CCDC91: variants seen among roughly 807,000 people sequenced by gnomAD.
CCDC91 encodes the protein coiled-coil domain-containing protein 91.
CCDC91 carries 48 observed loss-of-function variants against 63.2 expected under a neutral mutation model. The observed-to-expected ratio is 0.76, with a 90% CI of 0.60 to 0.97. The LOEUF (loss-of-function observed/expected upper bound fraction) is 0.97, where lower values mean the gene tolerates loss of function less well. Among genes scored for constraint, CCDC91 ranks in the 50% least tolerant of loss-of-function variants. The pLI is 0.00. For synonymous variants in CCDC91, 167 were observed against 165.8 expected, an observed-to-expected ratio of 1.01 and a Z score of -0.06; for missense variants, 500 against 494.6, an observed-to-expected ratio of 1.01 and a Z score of -0.10.
intron 7 of CCDC91, among the ~76,000 whole-genome samples, chr12:28,380,808 A>G (rs1464557622): frequency 6.6e-6 from 1 of 152,170 alleles, no homozygotes; most frequent in Non-Finnish European, 1.5e-5. Context: ...CATTATTCTA[A>G]TGAACTGAAT....
chr12:28,387,081 T>C (rs1945650514), intron 7 of CCDC91, among the ~76,000 whole-genome samples: 1 of 152,220 alleles, frequency 6.6e-6, no homozygotes, highest in African/African-American at 2.4e-5. Flanking sequence ...CTGTGTATTA[T>C]GATATATTAA....
intron 12 of CCDC91, among the ~76,000 whole-genome samples, chr12:28,538,852 G>A (rs1371660861): frequency 2.0e-5 from 3 of 152,152 alleles, no homozygotes; most frequent in Admixed American, 6.5e-5. Context: ...TTTCTCTGAT[G>A]GCCAGTGATG....
chr12:28,244,274 AAT>A (rs1405531894), intron 1 of CCDC91, among the ~76,000 whole-genome samples: 1 of 152,140 alleles, frequency 6.6e-6, no homozygotes, highest in Non-Finnish European at 1.5e-5. Flanking sequence ...ACTGTCAAGA[AAT>A]ATTTAAAAAA....
At chr12:28,545,150 T>G (rs1942899621) in intron 12 of CCDC91, among the ~76,000 whole-genome samples, 1 of 151,996 alleles carries the variant, frequency 6.6e-6, no homozygotes, top group Admixed American at 6.6e-5. Context: ...ATCAAAAAAA[T>G]ATTTGCCACC....
At chr12:28,516,703 C>CT (rs1159670633) in intron 12 of CCDC91, among the ~76,000 whole-genome samples, 1 of 151,926 alleles carries the variant, frequency 6.6e-6, no homozygotes. Context: ...TGAAGGCCTT[C>CT]TTGCTGCATC....
intron 1 of CCDC91, among the ~76,000 whole-genome samples, chr12:28,197,289 T>A (rs749954735): frequency 6.6e-6 from 1 of 152,088 alleles, no homozygotes; most frequent in Non-Finnish European, 1.5e-5. Context: ...GTTCAAACCG[T>A]TTTTTAAGCG....
chr12:28,286,365 C>T (rs1948918092), intron 3 of CCDC91, among the ~76,000 whole-genome samples: 2 of 152,116 alleles, frequency 1.3e-5, no homozygotes, highest in South Asian at 2.1e-4. Context: ...CTCCCTCCTC[C>T]CACCCTCCAC....
chr12:28,263,795 A>G (rs1946985424), intron 3 of CCDC91, among the ~76,000 whole-genome samples: 1 of 151,996 alleles, frequency 6.6e-6, no homozygotes, highest in Admixed American at 6.6e-5. Flanking sequence ...GTGCCTTTTT[A>G]ATAAACAATG....
rs180762270 is a variant in CCDC91, at chr12:28,408,771, T to A, written c.762+17360T>A. Among the ~76,000 whole-genome samples, 140 of 152,246 alleles carry A rather than the reference T, an allele frequency of 9.2e-4. 1 individual carries two copies. Among genetic ancestry groups the A allele is most frequent in the Admixed American group, 1.8e-3 (27 of 15,286 alleles). Reference sequence around the variant, plus strand: ...AATTCTCTTGCCTCAGCTTCCCAAGTATCTGGGATTACAGGTGTGCACCAC... The same window carrying A: ...AATTCTCTTGCCTCAGCTTCCCAAGAATCTGGGATTACAGGTGTGCACCAC... On this transcript the variant is annotated intron_variant, in intron 8 of 12. Transcript: ENST00000536442.
At chr12:28,416,868 A>G (rs946293624) in intron 8 of CCDC91, among the ~76,000 whole-genome samples, 1 of 152,212 alleles carries the variant, frequency 6.6e-6, no homozygotes, top group Non-Finnish European at 1.5e-5. Flanking sequence ...TATCATATGT[A>G]GTATTATGTA....
intron 7 of CCDC91, among the ~76,000 whole-genome samples, chr12:28,375,086 C>G (rs1300136581): frequency 6.6e-6 from 1 of 151,796 alleles, no homozygotes; most frequent in African/African-American, 2.4e-5. Flanking sequence ...AGACCTGGAT[C>G]AGAGCCCCAC....
chr12:28,548,012 G>A (rs1348345343), intron 12 of CCDC91, among the ~76,000 whole-genome samples: 1 of 151,990 alleles, frequency 6.6e-6, no homozygotes, highest in Non-Finnish European at 1.5e-5. Flanking sequence ...GAATGTGTTT[G>A]CCTAGTTTTG....
At chr12:28,315,873 T>C (rs776458769) in intron 6 of CCDC91, among the ~76,000 whole-genome samples, 9 of 151,856 alleles carry the variant, frequency 5.9e-5, no homozygotes, top group Non-Finnish European at 1.0e-4. Context: ...AATATACATA[T>C]ATCTCCTTCC....
intron 6 of CCDC91, among the ~76,000 whole-genome samples, chr12:28,314,664 A>T (rs1180226202): frequency 6.6e-6 from 1 of 152,068 alleles, no homozygotes; most frequent in Non-Finnish European, 1.5e-5. Flanking sequence ...CTGAAGATGT[A>T]TCTTTGTCAG....
chr12:28,452,735 C>G lies in CCDC91; in HGVS notation c.1101+81C>G, dbSNP rs527399120. 1.9e-5 allele frequency: 12 copies of G among 634,528 alleles called. No individual in the cohort carries two copies. In the South Asian group the frequency reaches 4.8e-4, roughly 26 times the overall value. The allele number at this position is 634,528 out of a possible 1,614,324, so 39.3% of individuals were successfully genotyped here. A position where few individuals can be genotyped will look rare whatever the true frequency, so the allele number is the denominator to read the frequency against. On this transcript the variant is annotated intron_variant, in intron 11 of 12. Transcript: ENST00000536442. ...GAAGTACCCTTACTCTATCTTTTAT[C>G]TTACTTAAAACAACCTTAGTAGATA...
chr12:28,339,047 G>T (rs1233514398), intron 6 of CCDC91, among the ~76,000 whole-genome samples: 1 of 152,028 alleles, frequency 6.6e-6, no homozygotes, highest in Non-Finnish European at 1.5e-5. Context: ...CACCATGTTG[G>T]CCAGGCTGGT....
chr12:28,493,036 T>C (rs1222588584), intron 12 of CCDC91, among the ~76,000 whole-genome samples: 3 of 151,674 alleles, frequency 2.0e-5, no homozygotes, highest in Non-Finnish European at 4.4e-5. Flanking sequence ...AGTAAAATGT[T>C]CTGTATTAGA....
At chr12:28,411,455 T>C (rs1442970610) in intron 8 of CCDC91, among the ~76,000 whole-genome samples, 2 of 152,268 alleles carry the variant, frequency 1.3e-5, no homozygotes, top group East Asian at 3.9e-4. Flanking sequence ...AACAGATGAT[T>C]TTATTGTGAG....
At chr12:28,243,020 C>A (rs1945448496) in intron 1 of CCDC91, among the ~76,000 whole-genome samples, 1 of 150,380 alleles carries the variant, frequency 6.6e-6, no homozygotes, top group Non-Finnish European at 1.5e-5. Flanking sequence ...CTGTACAATC[C>A]TGTACAACCT....
Sources: allele counts gnomAD v4.1 joint callset (sites outside exome capture counted in the v4.1 genomes callset), GRCh38; gene constraint gnomAD v4.1.1; transcripts MANE v1.5; gene names NCBI Gene and HGNC (gene_info 2026-07-23, HGNC 2026-07-21).